Variants in WNK2 observed in about 807,000 individuals in gnomAD.
The protein encoded by WNK2 is WNK lysine deficient protein kinase 2, also known as serine/threonine-protein kinase WNK2.
Under a neutral mutation model 192.1 loss-of-function variants are expected in WNK2, and 67 were observed. The ratio of observed to expected loss-of-function variants is 0.35; its 90% confidence interval spans 0.29 to 0.43. The LOEUF (loss-of-function observed/expected upper bound fraction) is 0.43. WNK2 is among the 20% of genes least tolerant of loss of function. WNK2 has a pLI of 1.00. For missense variants in WNK2, 2,698 were observed against 3,089.7 expected, an observed-to-expected ratio of 0.87 and a Z score of 3.01; for synonymous variants, 1,439 against 1,393.9, an observed-to-expected ratio of 1.03 and a Z score of -0.72.
At position 93,258,976 on chromosome 9, in the gene WNK2, A is replaced by G. The variant is rs1365114099; in HGVS notation, c.2428A>G (p.Ile810Val). ...VVPPITPLAG[I>V]DGLPPALPDL... is the part of the protein sequence containing the mutation. ...GCCCCCCATCACGCCCCTGGCGGGA[A>G]TCGACGGCCTCCCTCCGGCCCTCCC... Residue 810 changes from isoleucine (I) to valine (V), a missense_variant, in exon 12 of 30, where the codon ATC becomes GTC. Ile to Val is a conservative substitution (Grantham distance 29). Transcript: ENST00000427277. 1 of 1,612,310 alleles carries G rather than the reference A, an allele frequency of 6.2e-7. No homozygotes were observed. The highest frequency in any genetic ancestry group is 8.5e-7 in the Non-Finnish European group (1 of 1,179,586).
At chr9:93,222,587 A>G (rs1268274356) in intron 2 of WNK2, among the ~76,000 whole-genome samples, 1 of 152,146 alleles carries the variant, frequency 6.6e-6, no homozygotes, top group Non-Finnish European at 1.5e-5. Flanking sequence ...CTTTTCTGCA[A>G]AGAAGTCTAG....
intron 26 of WNK2, chr9:93,306,487 C>G: frequency 3.6e-5 from 13 of 362,630 alleles, no homozygotes; most frequent in East Asian, 4.3e-5. Context: ...TTTCTTTTTT[C>G]TTTCTCTTTT....
intron 2 of WNK2, among the ~76,000 whole-genome samples, chr9:93,208,406 A>G (rs1242799690): frequency 6.6e-6 from 1 of 152,092 alleles, no homozygotes; most frequent in Non-Finnish European, 1.5e-5. Context: ...GTGTCCTGCC[A>G]TTTGGCTGGT....
chr9:93,283,076 C>T (rs1847961777), intron 19 of WNK2, among the ~76,000 whole-genome samples: 1 of 152,088 alleles, frequency 6.6e-6, no homozygotes, highest in South Asian at 2.1e-4. Flanking sequence ...ACAATGGAAA[C>T]TAATAAAACA....
At chr9:93,298,439 G>A (rs948934216) in intron 24 of WNK2, among the ~76,000 whole-genome samples, 3 of 152,326 alleles carry the variant, frequency 2.0e-5, no homozygotes, top group East Asian at 1.9e-4. Context: ...TGTGCCAGCC[G>A]AGCAGCTGTC....
intron 19 of WNK2, among the ~76,000 whole-genome samples, chr9:93,286,650 C>T (rs1006456781): frequency 1.3e-5 from 2 of 152,170 alleles, no homozygotes; most frequent in African/African-American, 4.8e-5. Flanking sequence ...TCCAGCAATC[C>T]CACTGCTGGG....
chr9:93,236,140 CAG>C (rs927766736), intron 5 of WNK2, among the ~76,000 whole-genome samples: 3 of 152,184 alleles, frequency 2.0e-5, no homozygotes, highest in African/African-American at 7.2e-5. Flanking sequence ...GGATGGTCTG[CAG>C]CAGGAGGAAG....
chr9:93,265,277 A>G (rs1844975012), intron 16 of WNK2, among the ~76,000 whole-genome samples: 1 of 152,138 alleles, frequency 6.6e-6, no homozygotes, highest in Non-Finnish European at 1.5e-5. Context: ...TGGCTGGAAA[A>G]TAGCTAAGAG....
At chr9:93,293,283 A>AGTGGGCGCTG in intron 23 of WNK2, 110 bp downstream of exon 23, 2 of 1,075,032 alleles carry the variant, frequency 1.9e-6, no homozygotes, top group Non-Finnish European at 1.2e-6. Flanking sequence ...AGCAGCGCCC[A>AGTGGGCGCTG]CTTGGAGCTG....
chr9:93,230,978 G>A lies in WNK2; in HGVS notation c.945G>A (p.Arg315=), dbSNP rs777638060. The A allele has an allele frequency of 1.2e-6, 2 of 1,611,894 alleles. No individual in the cohort carries two copies. The highest frequency in any genetic ancestry group is 1.1e-5 in the South Asian group (1 of 90,948). ...ILKGLLFLHT[R]TPPIIHRDLK... is the part of the protein sequence containing the mutation. The stretch of plus-strand genomic sequence containing the variant: ...AGGGCCTGCTGTTCCTGCACACAAG[G>A]ACGCCACCCATCATCCACCGAGACC... The change falls in exon 4 of 30, where the codon AGG becomes AGA. Residue 315 remains arginine, a synonymous_variant. Coordinates refer to ENST00000427277, the MANE Select transcript of WNK2 (RefSeq NM_006648.4).
In WNK2 at chr9:93,259,773, C is replaced by T. The variant is rs1477009907; in HGVS notation, c.3066+159C>T. Among the ~76,000 whole-genome samples, 9 of 152,108 alleles carry T rather than the reference C, an allele frequency of 5.9e-5. No homozygotes were observed. Among genetic ancestry groups the T allele is most frequent in the Admixed American group, 5.9e-4 (9 of 15,280 alleles). ...TGAGGCTGAGGGAGGCGGGGGCTGG[C>T]GCCAGCGCGAGGCATCTGCATCTCT... is the stretch of plus-strand genomic sequence containing the variant. On this transcript the variant is annotated intron_variant, in intron 12 of 29. Transcript: ENST00000427277. The surrounding 1 kb of genome is among the most constrained non-coding windows in gnomAD (Gnocchi z 4.8).
intron 19 of WNK2, among the ~76,000 whole-genome samples, chr9:93,285,824 G>C (rs1325907673): frequency 6.6e-6 from 1 of 152,212 alleles, no homozygotes; most frequent in Non-Finnish European, 1.5e-5. Context: ...TCTGGTCCTA[G>C]AACAAGGGTA....
At chr9:93,202,290 A>T (rs923846458) in intron 2 of WNK2, among the ~76,000 whole-genome samples, 1 of 149,682 alleles carries the variant, frequency 6.7e-6, no homozygotes, top group Non-Finnish European at 1.5e-5. Flanking sequence ...GGGACCTGGT[A>T]TGCTTCTCAG....
chr9:93,208,851 G>A (rs1833962939), intron 2 of WNK2, among the ~76,000 whole-genome samples: 1 of 53,058 alleles, frequency 1.9e-5, no homozygotes, highest in Admixed American at 2.2e-4. Flanking sequence ...GAATGCATGT[G>A]TCTTCCGTGT....
chr9:93,288,486 C>T (rs1199308569), intron 19 of WNK2, among the ~76,000 whole-genome samples: 3 of 152,216 alleles, frequency 2.0e-5, no homozygotes, highest in Non-Finnish European at 2.9e-5. Context: ...AGCTGATGGT[C>T]ACACGCTACA....
intron 2 of WNK2, among the ~76,000 whole-genome samples, chr9:93,188,056 A>C (rs889342403): frequency 2.6e-5 from 4 of 152,100 alleles, no homozygotes; most frequent in African/African-American, 7.2e-5. Context: ...CATTCTGGGC[A>C]TGGGGAGGGT....
At chr9:93,253,724 C>T (rs1004499979) in intron 9 of WNK2, among the ~76,000 whole-genome samples, 3 of 152,046 alleles carry the variant, frequency 2.0e-5, no homozygotes, top group East Asian at 1.9e-4. Context: ...GCTGTGACGA[C>T]ACGTGTGGGT....
intron 8 of WNK2, among the ~76,000 whole-genome samples, chr9:93,250,094 A>G (rs1254656132): frequency 6.6e-6 from 1 of 151,912 alleles, no homozygotes; most frequent in African/African-American, 2.4e-5. Flanking sequence ...TTGTATTTTA[A>G]TACAAAAATA....
In WNK2 at chr9:93,262,056, G is replaced by C. The variant is rs1289946486; in HGVS notation, c.3309G>C (p.Gly1103=). The C allele has an allele frequency of 6.2e-7, 1 of 1,609,780 alleles. No individual in the cohort carries two copies. The highest frequency in any genetic ancestry group is 8.5e-7 in the Non-Finnish European group (1 of 1,177,974). Reference sequence around the variant, plus strand: ...ACCCACCGCTGCCTGGCGGGCCCGGGATCGCCAGCCCTTGCCCAACTGTCC... The same window carrying C: ...ACCCACCGCTGCCTGGCGGGCCCGGCATCGCCAGCCCTTGCCCAACTGTCC... ...PANPPLPGGP[G]IASPCPTVQL... The change falls in exon 13 of 30, where the codon GGG becomes GGC. Residue 1103 remains glycine (G), a synonymous_variant. Coordinates refer to ENST00000427277, the MANE Select transcript of WNK2 (RefSeq NM_006648.4).
Sources: allele counts gnomAD v4.1 joint callset (sites outside exome capture counted in the v4.1 genomes callset), GRCh38; gene constraint gnomAD v4.1.1; non-coding constraint Gnocchi (gnomAD v3.1); transcripts MANE v1.5; gene names NCBI Gene and HGNC (gene_info 2026-07-23, HGNC 2026-07-21).